DNAJC1: variants seen among roughly 807,000 people sequenced by gnomAD.
The protein encoded by DNAJC1 is DnaJ heat shock protein family (Hsp40) member C1, also known as dnaJ homolog subfamily C member 1.
A neutral mutation model predicts 76.6 loss-of-function variants in DNAJC1; 58 were observed. That is an observed-to-expected ratio of 0.76 (90% CI 0.61 to 0.94). The LOEUF (loss-of-function observed/expected upper bound fraction) is 0.94. DNAJC1 is among the 40% of genes least tolerant of loss of function. The pLI is 0.00. For missense variants in DNAJC1, 689 were observed against 677.3 expected (o/e 1.02, Z -0.19); for synonymous variants, 258 against 267.9 (o/e 0.96, Z 0.36).
intron 1 of DNAJC1, among the ~76,000 whole-genome samples, chr10:21,993,175 T>C (rs1287669310): frequency 6.6e-6 from 1 of 152,186 alleles, no homozygotes; most frequent in Non-Finnish European, 1.5e-5. Context: ...ACTCAGCCTA[T>C]ACACTCATAA....
chr10:21,802,824 A>G (rs1834828116), intron 9 of DNAJC1, among the ~76,000 whole-genome samples: 1 of 152,152 alleles, frequency 6.6e-6, no homozygotes, highest in Non-Finnish European at 1.5e-5. Flanking sequence ...GCAGTTAATC[A>G]TCATGTTAAA....
chr10:21,999,590 G>T (rs1428879571), intron 1 of DNAJC1, among the ~76,000 whole-genome samples: 3 of 152,036 alleles, frequency 2.0e-5, no homozygotes, highest in African/African-American at 4.8e-5. Context: ...GAGTAGCTGG[G>T]ATTCCAGGCG....
Position 21,761,639 on chromosome 10 carries a change from C to A in DNAJC1, c.1148-2021G>T, listed in dbSNP as rs188300147. On this transcript the variant is annotated intron_variant, in intron 10 of 11. Coordinates refer to ENST00000376980, the MANE Select transcript of DNAJC1 (RefSeq NM_022365.4). ...ATGAAAAGTGGCTTAGTCTGCATTC[C>A]TGGTCTGCTCTGTAAGAGGCAAAAA... Among the ~76,000 whole-genome samples, 7 of 151,960 alleles carry A rather than the reference C, an allele frequency of 4.6e-5. No individual in the cohort carries two copies. The East Asian group carries it at 1.4e-3, about 29-fold the overall frequency.
At chr10:21,859,703 TTG>T (rs1378887527) in intron 8 of DNAJC1, among the ~76,000 whole-genome samples, 2 of 152,114 alleles carry the variant, frequency 1.3e-5, no homozygotes, top group Admixed American at 1.3e-4. Flanking sequence ...CATCAATACT[TTG>T]TGAGATCTTT....
At chr10:21,846,903 C>T (rs1463456314) in intron 8 of DNAJC1, among the ~76,000 whole-genome samples, 1 of 148,034 alleles carries the variant, frequency 6.8e-6, no homozygotes. Flanking sequence ...TTTTAAACTC[C>T]GTTTTCAGTT....
chr10:21,779,382 C>T (rs1420980484), intron 9 of DNAJC1, among the ~76,000 whole-genome samples: 1 of 152,066 alleles, frequency 6.6e-6, no homozygotes, highest in Non-Finnish European at 1.5e-5. Context: ...GGCCACATAC[C>T]CCTCTGAGAC....
intron 1 of DNAJC1, among the ~76,000 whole-genome samples, chr10:21,935,949 A>G (rs1286009403): frequency 1.3e-5 from 2 of 152,210 alleles, no homozygotes; most frequent in Non-Finnish European, 2.9e-5. Context: ...AAGAAATGCT[A>G]TAAGGAGTCC....
chr10:21,869,761 A>C (rs1482010086), intron 8 of DNAJC1, among the ~76,000 whole-genome samples: 1 of 152,150 alleles, frequency 6.6e-6, no homozygotes, highest in African/African-American at 2.4e-5. Context: ...ATAGGTGATG[A>C]AATGACATAC....
Position 21,882,396 on chromosome 10 carries a change from G to C in DNAJC1, c.864C>G (p.Tyr288Ter), listed in dbSNP as rs1012899431. ...GAATATATGTAGTTTCTAAAGGTGT[G>C]TATACAGGAAATTCAGGTTTTGGTT... ...VKKPKPEFPVYTPLETTYIQS... is the reference protein window; with the variant it reads ...VKKPKPEFPV The change falls in exon 8 of 12, where the codon TAC becomes TAG. Residue 288 changes from tyrosine (Y) to a stop codon, truncating the protein, a stop_gained. Transcript: ENST00000376980. LOFTEE classifies it high-confidence loss of function. 6.5e-7 allele frequency: 1 copy of C among 1,540,712 alleles called. No homozygotes were observed. The highest frequency in any genetic ancestry group is 8.7e-7 in the Non-Finnish European group (1 of 1,151,144).
At chr10:21,913,088 T>C (rs141240823) in intron 6 of DNAJC1, among the ~76,000 whole-genome samples, 120 of 150,492 alleles carry the variant, frequency 8.0e-4, no homozygotes, top group South Asian at 2.6e-3. Flanking sequence ...CTGATGGGGG[T>C]GGGGATATGC....
chr10:21,784,564 G>T (rs958657102), intron 9 of DNAJC1, among the ~76,000 whole-genome samples: 2 of 152,104 alleles, frequency 1.3e-5, no homozygotes, highest in African/African-American at 2.4e-5. Flanking sequence ...GTACCCAAAG[G>T]ATTATAAATC....
At chr10:21,834,959 T>C (rs891337620) in intron 8 of DNAJC1, among the ~76,000 whole-genome samples, 1 of 152,228 alleles carries the variant, frequency 6.6e-6, no homozygotes, top group Non-Finnish European at 1.5e-5. Context: ...TGTCCCACTC[T>C]GACACCTTTG....
intron 1 of DNAJC1, among the ~76,000 whole-genome samples, chr10:21,932,645 T>A (rs1837247848): frequency 6.6e-6 from 1 of 152,224 alleles, no homozygotes; most frequent in Non-Finnish European, 1.5e-5. Context: ...TTGACCTTGT[T>A]CTCAAAGAGC....
chr10:21,817,159 C>CAAAA (rs1194285168), intron 8 of DNAJC1, among the ~76,000 whole-genome samples: 30 of 59,848 alleles, frequency 5.0e-4, no homozygotes, highest in South Asian at 9.5e-4. Flanking sequence ...GATTCCGTCT[C>CAAAA]AAAAAAAAAA....
In DNAJC1 at chr10:21,993,888, A is replaced by AT. The variant is rs539520180; in HGVS notation, c.222+9324dup. Among the ~76,000 whole-genome samples the AT allele has an allele frequency of 3.3e-5, 5 of 151,864 alleles. No homozygotes were observed. In the South Asian group the frequency reaches 1.0e-3, roughly 32 times the overall value. On this transcript the variant is annotated intron_variant, in intron 1 of 11. Transcript: ENST00000376980. ...AATTAAGATCACTTTTTTTTTACCC[A>AT]TTTTTATCCTGCGGGCAAACTTTTT...
intron 1 of DNAJC1, among the ~76,000 whole-genome samples, chr10:21,976,531 A>C (rs1186784918): frequency 6.6e-6 from 1 of 152,214 alleles, no homozygotes; most frequent in East Asian, 1.9e-4. Context: ...TTTGTCACTG[A>C]ATCTTTGTAG....
chr10:21,995,376 T>C (rs996395428), intron 1 of DNAJC1, among the ~76,000 whole-genome samples: 1 of 152,220 alleles, frequency 6.6e-6, no homozygotes, highest in African/African-American at 2.4e-5. Flanking sequence ...TTGAGTTTCA[T>C]GTAACAGTTT....
At chr10:21,840,618 G>A (rs1835560010) in intron 8 of DNAJC1, among the ~76,000 whole-genome samples, 1 of 152,108 alleles carries the variant, frequency 6.6e-6, no homozygotes, top group African/African-American at 2.4e-5. Flanking sequence ...CAAACAAATG[G>A]AACAACATTC....
At chr10:21,759,851 CT>C (rs1043905086) in intron 10 of DNAJC1, among the ~76,000 whole-genome samples, 1 of 152,198 alleles carries the variant, frequency 6.6e-6, no homozygotes, top group African/African-American at 2.4e-5. Context: ...CCACTTCTGT[CT>C]GATTCCAAGC....
Sources: allele counts gnomAD v4.1 joint callset (sites outside exome capture counted in the v4.1 genomes callset), GRCh38; gene constraint gnomAD v4.1.1; transcripts MANE v1.5; gene names NCBI Gene and HGNC (gene_info 2026-07-23, HGNC 2026-07-21).